TTC23: variants seen among roughly 807,000 people sequenced by gnomAD.
TTC23 encodes tetratricopeptide repeat domain 23.
TTC23 carries 58 observed loss-of-function variants against 55.1 expected under a neutral mutation model. The observed-to-expected ratio is 1.05, with a 90% CI of 0.85 to 1.31. The LOEUF (loss-of-function observed/expected upper bound fraction) is 1.31. Ranked by LOEUF, TTC23 falls within the 50% of genes most tolerant of loss-of-function variation. The pLI is 0.00. For synonymous variants in TTC23, 203 were observed against 199.9 expected (o/e 1.02, Z -0.13); for missense variants, 516 against 534.4 (o/e 0.97, Z 0.34).
At chr15:99,240,802 T>C (rs1468551160) in intron 3 of TTC23, among the ~76,000 whole-genome samples, 1 of 152,224 alleles carries the variant, frequency 6.6e-6, no homozygotes, top group Non-Finnish European at 1.5e-5. Context: ...CCACTGACTA[T>C]AAAGATGCTG....
intron 9 of TTC23, among the ~76,000 whole-genome samples, chr15:99,178,916 G>A (rs2073860259): frequency 6.6e-6 from 1 of 152,168 alleles, no homozygotes; most frequent in Admixed American, 6.5e-5. Flanking sequence ...AGGGAAATGA[G>A]CGGTGGGTTT....
intron 10 of TTC23, among the ~76,000 whole-genome samples, chr15:99,164,477 C>T (rs1338608740): frequency 2.0e-5 from 3 of 152,168 alleles, no homozygotes; most frequent in Non-Finnish European, 2.9e-5. Flanking sequence ...CAGGGTGACA[C>T]ATGACAAGCA....
intron 5 of TTC23, among the ~76,000 whole-genome samples, chr15:99,225,045 A>G (rs1445815556): frequency 1.3e-5 from 2 of 152,212 alleles, no homozygotes; most frequent in Non-Finnish European, 2.9e-5. Flanking sequence ...CATGGAATCC[A>G]GACAGACAAA....
At chr15:99,250,658 T>C (rs564508950), upstream of TTC23, among the ~76,000 whole-genome samples, 4 of 152,224 alleles carry the variant, frequency 2.6e-5, no homozygotes, top group Non-Finnish European at 5.9e-5. Context: ...GCTATTTCGC[T>C]GACATAATAA....
At chr15:99,161,985 A>G (rs571571634) in intron 10 of TTC23, 118 bp from the exon 11 acceptor site, 52 of 1,101,500 alleles carry the variant, frequency 4.7e-5, no homozygotes, top group Non-Finnish European at 4.6e-5. Context: ...GACAAGAAAA[A>G]ACAGTTAAGA....
At chr15:99,139,048 G>T (rs951297108) in intron 13 of TTC23, 14 of 492,672 alleles carry the variant, frequency 2.8e-5, no homozygotes, top group African/African-American at 2.7e-4. Context: ...TCCCCCTGCA[G>T]CAGGTGCCTT....
chr15:99,228,997 T>G (rs567856801), intron 4 of TTC23, among the ~76,000 whole-genome samples: 1 of 152,056 alleles, frequency 6.6e-6, no homozygotes, highest in African/African-American at 2.4e-5. Context: ...CATACATACA[T>G]GTATATGTGT....
At chr15:99,169,524 G>A (rs2072622642) in intron 10 of TTC23, among the ~76,000 whole-genome samples, 1 of 152,152 alleles carries the variant, frequency 6.6e-6, no homozygotes, top group Admixed American at 6.5e-5. Context: ...TACACCAGGG[G>A]TGCCTGATTT....
intron 9 of TTC23, among the ~76,000 whole-genome samples, chr15:99,184,676 C>T (rs2074495601): frequency 6.6e-6 from 1 of 152,084 alleles, no homozygotes; most frequent in Non-Finnish European, 1.5e-5. Context: ...GGGGACTTGC[C>T]TTGTCTCAGA....
At chr15:99,156,907 G>A (rs960949873) in intron 11 of TTC23, among the ~76,000 whole-genome samples, 1 of 152,302 alleles carries the variant, frequency 6.6e-6, no homozygotes, top group South Asian at 2.1e-4. Context: ...TGAGTAGTAA[G>A]AACAAAAGCT....
chr15:99,146,050 T>G (rs1476286180), intron 12 of TTC23, among the ~76,000 whole-genome samples: 9 of 152,218 alleles, frequency 5.9e-5, no homozygotes, highest in African/African-American at 2.2e-4. Flanking sequence ...TCTAATGTCC[T>G]TATCGACATC....
chr15:99,187,466 A>AAT (rs1247662507), intron 9 of TTC23, among the ~76,000 whole-genome samples: 2 of 145,530 alleles, frequency 1.4e-5, no homozygotes, highest in East Asian at 3.9e-4. Flanking sequence ...AAAAAAAAAA[A>AAT]AACAAAACAA....
At chr15:99,211,909 G>C (rs544736925) in intron 8 of TTC23, among the ~76,000 whole-genome samples, 6 of 152,114 alleles carry the variant, frequency 3.9e-5, no homozygotes, top group African/African-American at 7.2e-5. Context: ...TGACCAGGCT[G>C]GTCTTGAACT....
chr15:99,250,217 G>C (rs1381301954), upstream of TTC23, among the ~76,000 whole-genome samples: 1 of 152,044 alleles, frequency 6.6e-6, no homozygotes, highest in East Asian at 1.9e-4. Flanking sequence ...GAATTCTTAG[G>C]TATTCCGAAA....
At chr15:99,235,632 AG>A (rs2079260865) in intron 3 of TTC23, among the ~76,000 whole-genome samples, 1 of 152,154 alleles carries the variant, frequency 6.6e-6, no homozygotes, top group Non-Finnish European at 1.5e-5. Context: ...GGCCTCCCAA[AG>A]TGCTGGGATT....
At chr15:99,215,144 C>T (rs1270959220) in intron 8 of TTC23, among the ~76,000 whole-genome samples, 1 of 149,090 alleles carries the variant, frequency 6.7e-6, no homozygotes, top group Non-Finnish European at 1.5e-5. Flanking sequence ...GCATGAGCCA[C>T]CGTGCCTGAC....
intron 8 of TTC23, among the ~76,000 whole-genome samples, chr15:99,213,552 T>C (rs962144542): frequency 6.6e-6 from 1 of 152,244 alleles, no homozygotes; most frequent in African/African-American, 2.4e-5. Flanking sequence ...AATTGTGTAT[T>C]TCCTATCTTA....
chr15:99,244,724 A>G (rs1012147043), intron 2 of TTC23, among the ~76,000 whole-genome samples: 6 of 152,220 alleles, frequency 3.9e-5, no homozygotes, highest in African/African-American at 1.4e-4. Flanking sequence ...GTATCGATTT[A>G]ATGTAATATC....
chr15:99,164,764 T>C (rs1347650545), intron 10 of TTC23, among the ~76,000 whole-genome samples: 5 of 152,226 alleles, frequency 3.3e-5, no homozygotes, highest in Admixed American at 1.3e-4. Context: ...GTGACGGTAA[T>C]GCCAGGTGCT....
Sources: allele counts gnomAD v4.1 joint callset (sites outside exome capture counted in the v4.1 genomes callset), GRCh38; gene constraint gnomAD v4.1.1; transcripts MANE v1.5; gene names NCBI Gene and HGNC (gene_info 2026-07-23, HGNC 2026-07-21).